Variants in TENM2 observed in about 807,000 individuals in gnomAD.
The protein encoded by TENM2 is teneurin transmembrane protein 2.
A neutral mutation model predicts 245.2 loss-of-function variants in TENM2; 52 were observed. The ratio of observed to expected loss-of-function variants is 0.21; its 90% CI spans 0.17 to 0.27. TENM2 has a LOEUF of 0.27. Among genes scored for constraint, TENM2 ranks in the 10% least tolerant of loss-of-function variants. The probability of loss-of-function intolerance (pLI) is 1.00; values close to 1 mark genes in which losing one functional copy is unlikely to be tolerated. For missense variants in TENM2, 3,046 were observed against 3,666.8 expected (o/e 0.83, Z 4.37); for synonymous variants, 1,363 against 1,438.9 (o/e 0.95, Z 1.19).
chr5:166,980,974 T>C, the TENM2 span, among the ~76,000 whole-genome samples: 1 of 152,334 alleles, frequency 6.6e-6, no homozygotes, highest in East Asian at 1.9e-4. Context: ...CTCTTAAACT[T>C]TGTTTAAATG....
intron 2 of TENM2, among the ~76,000 whole-genome samples, chr5:167,663,187 A>AGAG (rs1491462858): frequency 8.8e-6 from 1 of 114,196 alleles, no homozygotes; most frequent in African/African-American, 3.5e-5. Context: ...AGAGAGAGAG[A>AGAG]AAGAGAGAGA....
At chr5:167,891,644 A>G (rs1228949416) in intron 3 of TENM2, among the ~76,000 whole-genome samples, 2 of 152,184 alleles carry the variant, frequency 1.3e-5, no homozygotes, top group Non-Finnish European at 2.9e-5. Context: ...ACACGGGAGT[A>G]TACAGCATGG....
intron 2 of TENM2, among the ~76,000 whole-genome samples, chr5:167,521,950 G>A (rs1004744680): frequency 2.6e-5 from 4 of 152,042 alleles, no homozygotes; most frequent in Non-Finnish European, 5.9e-5. Context: ...TATCCTTTGA[G>A]TGCTGAACTC....
At chr5:167,861,702 G>A (rs1771826838) in intron 2 of TENM2, among the ~76,000 whole-genome samples, 1 of 152,190 alleles carries the variant, frequency 6.6e-6, no homozygotes, top group South Asian at 2.1e-4. Context: ...CTCTGGCTCA[G>A]AGAAACCTAT....
chr5:167,647,642 A>T (rs942238167), intron 2 of TENM2, among the ~76,000 whole-genome samples: 37 of 151,928 alleles, frequency 2.4e-4, no homozygotes, highest in African/African-American at 8.5e-4. Flanking sequence ...GAAAAGGAGG[A>T]TGTTGCGAAG....
At chr5:167,643,313 T>C (rs1779728122) in intron 2 of TENM2, among the ~76,000 whole-genome samples, 1 of 152,206 alleles carries the variant, frequency 6.6e-6, no homozygotes, top group Non-Finnish European at 1.5e-5. Context: ...CCTGTCTCTA[T>C]AAATTTGCCG....
chr5:167,841,085 C>T (rs1241937596), intron 2 of TENM2, among the ~76,000 whole-genome samples: 3 of 148,724 alleles, frequency 2.0e-5, no homozygotes, highest in Non-Finnish European at 3.0e-5. Context: ...AGATGGGAGT[C>T]TCGCTCTGTC....
chr5:168,204,215 T>C (rs752099647), intron 18 of TENM2, among the ~76,000 whole-genome samples, 157 bp from the exon 21 acceptor site: 27 of 151,822 alleles, frequency 1.8e-4, no homozygotes, highest in Non-Finnish European at 3.4e-4. Context: ...GGGGTCCACC[T>C]CTCCCACTGC....
At chr5:168,121,382 A>T (rs1262356495) in intron 10 of TENM2, among the ~76,000 whole-genome samples, 1 of 152,236 alleles carries the variant, frequency 6.6e-6, no homozygotes, top group Non-Finnish European at 1.5e-5. Flanking sequence ...CATCTTAGGA[A>T]ATCGGAACCA....
chr5:167,220,207 G>T, the TENM2 span, among the ~76,000 whole-genome samples: 1 of 152,028 alleles, frequency 6.6e-6, no homozygotes, highest in Non-Finnish European at 1.5e-5. Flanking sequence ...TTCTTAAGAG[G>T]TATCCTCTTG....
intron 2 of TENM2, among the ~76,000 whole-genome samples, chr5:167,391,226 G>T (rs1761733922): frequency 6.6e-6 from 1 of 152,064 alleles, no homozygotes; most frequent in Admixed American, 6.6e-5. Flanking sequence ...AGGGGAAATG[G>T]TGTAGCCTTC....
intron 2 of TENM2, among the ~76,000 whole-genome samples, chr5:167,383,908 T>C (rs2127344276): frequency 6.6e-6 from 1 of 152,270 alleles, no homozygotes; most frequent in South Asian, 2.1e-4. Flanking sequence ...CAGAAATGTA[T>C]ACATTGGAGA....
At chr5:167,858,497 T>C (rs897322657) in intron 2 of TENM2, among the ~76,000 whole-genome samples, 2 of 152,212 alleles carry the variant, frequency 1.3e-5, no homozygotes, top group African/African-American at 4.8e-5. Context: ...TGGTTGGTAG[T>C]GGCTTCTTTC....
At chr5:167,735,188 G>A (rs574660309) in intron 2 of TENM2, among the ~76,000 whole-genome samples, 1 of 152,088 alleles carries the variant, frequency 6.6e-6, no homozygotes, top group Non-Finnish European at 1.5e-5. Flanking sequence ...TCTGAAAATC[G>A]TGGTCGTATT....
At chr5:167,352,666 A>G (rs1041016800) in intron 1 of TENM2, among the ~76,000 whole-genome samples, 2 of 152,232 alleles carry the variant, frequency 1.3e-5, no homozygotes, top group African/African-American at 4.8e-5. Flanking sequence ...TAGCAACAAT[A>G]CATATGAGAA....
At chr5:167,158,023 C>T in the TENM2 span, among the ~76,000 whole-genome samples, 4 of 152,122 alleles carry the variant, frequency 2.6e-5, no homozygotes, top group Non-Finnish European at 4.4e-5. Context: ...TTTGTGAACC[C>T]CATGACATTT....
chr5:168,182,490 A>ACAGGAATT (rs1345808977), intron 13 of TENM2, among the ~76,000 whole-genome samples: 1 of 152,206 alleles, frequency 6.6e-6, no homozygotes, highest in Non-Finnish European at 1.5e-5. Context: ...AAACTGAGCC[A>ACAGGAATT]CAGGAATTCA....
chr5:167,817,453 G>T (rs1767147624), intron 2 of TENM2, among the ~76,000 whole-genome samples: 1 of 152,120 alleles, frequency 6.6e-6, no homozygotes, highest in South Asian at 2.1e-4. Flanking sequence ...ACTTATATGT[G>T]TGATGCCATC....
chr5:167,794,141 A>C (rs1245713714), intron 2 of TENM2, among the ~76,000 whole-genome samples: 1 of 152,074 alleles, frequency 6.6e-6, no homozygotes, highest in Non-Finnish European at 1.5e-5. Context: ...TACAGTAGCT[A>C]TGTCGCCCAC....
Sources: allele counts gnomAD v4.1 joint callset (sites outside exome capture counted in the v4.1 genomes callset), GRCh38; gene constraint gnomAD v4.1.1; transcripts MANE v1.5; gene names NCBI Gene and HGNC (gene_info 2026-07-23, HGNC 2026-07-21).